Variants in GCNT4 observed in about 807,000 individuals in gnomAD.
GCNT4 encodes the protein glucosaminyl (N-acetyl) transferase 4.
A neutral mutation model predicts 31.3 loss-of-function variants in GCNT4; 17 were observed. That is an observed-to-expected ratio of 0.54 (90% confidence interval 0.37 to 0.81). The LOEUF is 0.81. GCNT4 is among the 40% of genes least tolerant of loss of function. GCNT4 has a pLI of 0.00. For synonymous variants in GCNT4, 158 were observed against 190.6 expected, an observed-to-expected ratio of 0.83 and a Z score of 1.41; for missense variants, 503 against 525.5, an observed-to-expected ratio of 0.96 and a Z score of 0.42.
intron 1 of GCNT4, 66 bp from the exon 2 acceptor site, chr5:75,052,293 C>A (rs1410965429): frequency 6.6e-6 from 1 of 151,862 alleles, no homozygotes; most frequent in Non-Finnish European, 1.5e-5. Context: ...AAAAAGTGCC[C>A]CAAGGCCAAT....
upstream of GCNT4, among the ~76,000 whole-genome samples, chr5:75,053,067 T>TCCGCGGC (rs1462543100): frequency 6.6e-6 from 1 of 151,744 alleles, no homozygotes; most frequent in Admixed American, 6.6e-5. Context: ...GGAAGCCGGC[T>TCCGCGGC]CCGCGGCCCG....
intron 3 of GCNT4, among the ~76,000 whole-genome samples, chr5:75,043,433 A>G (rs1743364011): frequency 1.3e-5 from 2 of 152,238 alleles, no homozygotes; most frequent in Admixed American, 1.3e-4. Context: ...TCTCTTGAAA[A>G]GACTTTCCTC....
At chr5:75,035,053 G>A (rs1202519689) in intron 3 of GCNT4, among the ~76,000 whole-genome samples, 2 of 89,222 alleles carry the variant, frequency 2.2e-5, no homozygotes, top group African/African-American at 5.8e-5. Flanking sequence ...CCAGCTAAGC[G>A]GACACGACCG....
In GCNT4 at chr5:75,028,632, C is replaced by A; in HGVS notation, c.*44G>T. Reference sequence around the variant, plus strand: ...AGTATGGTATTCAATTCCACACTGACTCCATTTATCAGGCACCCTCTTATT... The same window carrying A: ...AGTATGGTATTCAATTCCACACTGAATCCATTTATCAGGCACCCTCTTATT... On this transcript the variant is annotated 3_prime_UTR_variant, in exon 4 of 4. Coordinates refer to ENST00000652361, the MANE Select transcript of GCNT4 (RefSeq NM_001366737.1). 6.5e-7 allele frequency: 1 copy of A among 1,543,440 alleles called. No individual in the cohort carries two copies.
the GCNT4 span, among the ~76,000 whole-genome samples, chr5:75,019,556 T>G: frequency 6.6e-6 from 1 of 152,226 alleles, no homozygotes; most frequent in Non-Finnish European, 1.5e-5. Context: ...CTGACAGTTA[T>G]TAGCTGGTGA....
Position 75,026,865 on chromosome 5 carries a change from A to G in GCNT4, c.*1811T>C, listed in dbSNP as rs1005837198. The G allele has an allele frequency of 1.3e-5, 2 of 152,120 alleles. No individual in the cohort carries two copies. Among genetic ancestry groups the G allele is most frequent in the African/African-American group, 4.8e-5 (2 of 41,424 alleles). 9.4% of individuals were successfully genotyped at this position (152,120 alleles called of 1,614,324 possible). ...ATGGGGCTTGGTAATAGTTATTTCC[A>G]AAGAATGAAGTAATTTGAAGGGGGT... On this transcript the variant is annotated 3_prime_UTR_variant, in exon 4 of 4. Coordinates refer to ENST00000652361, the MANE Select transcript of GCNT4 (RefSeq NM_001366737.1).
chr5:75,042,044 T>A (rs955459517), intron 3 of GCNT4, among the ~76,000 whole-genome samples: 16 of 152,204 alleles, frequency 1.1e-4, no homozygotes, highest in African/African-American at 3.9e-4. Context: ...AAAGCTCACA[T>A]GAAACGTTTG....
intron 2 of GCNT4, among the ~76,000 whole-genome samples, chr5:75,049,841 G>A (rs1184590368): frequency 1.3e-5 from 2 of 152,176 alleles, no homozygotes; most frequent in African/African-American, 4.8e-5. Flanking sequence ...TTGGCTGTAT[G>A]GGCTTGGACA....
chr5:75,044,160 CTTG>C (rs1179301187), intron 3 of GCNT4, among the ~76,000 whole-genome samples: 2 of 152,084 alleles, frequency 1.3e-5, no homozygotes, highest in Non-Finnish European at 2.9e-5. Context: ...TTCTTGAGAG[CTTG>C]TTATGTAACA....
chr5:75,032,875 GTGTGTGTGTGTGTGTGT>G (rs1743099166), intron 3 of GCNT4, among the ~76,000 whole-genome samples: 1 of 60,540 alleles, frequency 1.7e-5, no homozygotes, highest in African/African-American at 1.2e-4. Flanking sequence ...AAATAGGGGT[GTGTGTGTGTGTGTGTGT>G]GTGTGTGTGT....
chr5:75,029,276 CGTCT>C lies in GCNT4; in HGVS notation c.758_761del (p.Glu253GlyfsTer2). On this transcript the variant is annotated frameshift_variant, in exon 4 of 4. Transcript: ENST00000652361. LOFTEE classifies it high-confidence loss of function. ...CCAATTTACTGTTTGGGGGTTTCAC[CGTCT>C]CCAACATATTTGCTCCATTGAGTTT... is the stretch of plus-strand genomic sequence containing the variant. 6.2e-7 allele frequency: 1 copy of C among 1,614,054 alleles called. No individual in the cohort carries two copies. The highest frequency in any genetic ancestry group is 8.5e-7 in the Non-Finnish European group (1 of 1,180,002).
upstream of GCNT4, among the ~76,000 whole-genome samples, chr5:75,053,400 C>G (rs1210261851): frequency 2.0e-5 from 3 of 152,100 alleles, no homozygotes; most frequent in East Asian, 5.8e-4. Context: ...GGCGGGAAAA[C>G]GAAAGTCGTG....
intron 3 of GCNT4, among the ~76,000 whole-genome samples, chr5:75,043,635 A>C (rs1011940065): frequency 8.5e-5 from 13 of 152,180 alleles, no homozygotes; most frequent in African/African-American, 3.1e-4. Context: ...AGACCAAGAG[A>C]ATATCAGAGA....
At chr5:75,034,969 C>T (rs1182385072) in intron 3 of GCNT4, among the ~76,000 whole-genome samples, 40 of 128,514 alleles carry the variant, frequency 3.1e-4, no homozygotes, top group Non-Finnish European at 5.3e-4. Context: ...CATTCAGGGA[C>T]ACCCCAGCTA....
At chr5:75,050,843 A>G (rs1743553440) in intron 2 of GCNT4, among the ~76,000 whole-genome samples, 1 of 152,190 alleles carries the variant, frequency 6.6e-6, no homozygotes, top group African/African-American at 2.4e-5. Context: ...CTCAACTGCC[A>G]GGCCTCCTGC....
intron 3 of GCNT4, among the ~76,000 whole-genome samples, chr5:75,033,804 T>A (rs1279023136): frequency 1.3e-5 from 2 of 151,948 alleles, no homozygotes; most frequent in Non-Finnish European, 2.9e-5. Flanking sequence ...CCCGAATGCA[T>A]TAGGTATTTG....
intron 3 of GCNT4, among the ~76,000 whole-genome samples, chr5:75,047,007 T>G (rs928571132): frequency 1.3e-5 from 2 of 152,204 alleles, no homozygotes; most frequent in East Asian, 3.9e-4. Flanking sequence ...TACACAACCC[T>G]TATCTTCCTA....
chr5:75,029,381 C>T lies in GCNT4; in HGVS notation c.657G>A (p.Gln219=). ...CLSDLLKSSI[Q]WKYVINLCGQ... ...CACACAAGTTGATAACATATTTCCACTGGATTGAAGACTTCAGAAGGTCCG... is the reference window on the plus strand; with the variant it reads ...CACACAAGTTGATAACATATTTCCATTGGATTGAAGACTTCAGAAGGTCCG... Residue 219 remains glutamine (Q), a synonymous_variant, in exon 4 of 4, where the codon CAG becomes CAA. Transcript: ENST00000652361. 2 of 1,614,150 alleles carry T rather than the reference C, an allele frequency of 1.2e-6. No individual in the cohort carries two copies. Among genetic ancestry groups the T allele is most frequent in the Non-Finnish European group, 1.7e-6 (2 of 1,180,036 alleles).
chr5:75,047,532 T>A (rs57908770), intron 3 of GCNT4, among the ~76,000 whole-genome samples: 5,718 of 152,106 alleles, frequency 0.038, 345 homozygotes, highest in African/African-American at 0.13. Flanking sequence ...CTTGGATTAG[T>A]TAAGGATAAT....
Sources: allele counts gnomAD v4.1 joint callset (sites outside exome capture counted in the v4.1 genomes callset), GRCh38; gene constraint gnomAD v4.1.1; transcripts MANE v1.5; gene names NCBI Gene and HGNC (gene_info 2026-07-23, HGNC 2026-07-21).